The following SPATA6 variants were observed in gnomAD, a reference collection of about 807,000 sequenced individuals.
SPATA6 encodes spermatogenesis-associated protein 6.
SPATA6 carries 56 observed loss-of-function variants against 65.3 expected under a neutral mutation model. That is an observed-to-expected ratio of 0.86 (90% CI 0.69 to 1.07). The LOEUF (loss-of-function observed/expected upper bound fraction) is 1.07, where lower values mean the gene tolerates loss of function less well. Among genes scored for constraint, SPATA6 ranks in the 50% least tolerant of loss-of-function variants. SPATA6 has a pLI of 0.00. For synonymous variants in SPATA6, 199 were observed against 213.2 expected, an observed-to-expected ratio of 0.93 and a Z score of 0.58; for missense variants, 590 against 594.8, an observed-to-expected ratio of 0.99 and a Z score of 0.08.
At chr1:48,436,194 T>C (rs1654925530) in intron 3 of SPATA6, 11 of 1,612,284 alleles carry the variant, frequency 6.8e-6, no homozygotes, top group Non-Finnish European at 9.3e-6. Context: ...CTGTCCATCT[T>C]GCATGGCATA....
At chr1:48,409,458 G>A (rs1344864090) in intron 5 of SPATA6, among the ~76,000 whole-genome samples, 2 of 152,234 alleles carry the variant, frequency 1.3e-5, no homozygotes, top group Non-Finnish European at 2.9e-5. Flanking sequence ...CAAGCTGTCA[G>A]TAGATCTACC....
At chr1:48,367,626 T>C (rs1435901333) in intron 9 of SPATA6, among the ~76,000 whole-genome samples, 1 of 152,090 alleles carries the variant, frequency 6.6e-6, no homozygotes, top group East Asian at 1.9e-4. Flanking sequence ...AACCCCTGCC[T>C]TTTTTTGTTT....
chr1:48,358,079 C>T (rs1242932754), intron 10 of SPATA6, among the ~76,000 whole-genome samples: 7 of 151,994 alleles, frequency 4.6e-5, no homozygotes, highest in African/African-American at 1.7e-4. Flanking sequence ...TAAATGCCAC[C>T]GCTATCTACT....
the SPATA6 span, among the ~76,000 whole-genome samples, chr1:48,270,643 A>G: frequency 6.6e-6 from 1 of 152,068 alleles, no homozygotes; most frequent in African/African-American, 2.4e-5. Flanking sequence ...ATTACCGAGT[A>G]CAGATGGCAG....
Position 48,411,571 on chromosome 1 carries a change from T to G in SPATA6, c.298A>C (p.Thr100Pro). 1 of 1,601,752 alleles carries G rather than the reference T, an allele frequency of 6.2e-7. No individual in the cohort carries two copies. The highest frequency in any genetic ancestry group is 8.5e-7 in the Non-Finnish European group (1 of 1,174,546). The stretch of plus-strand genomic sequence containing the variant: ...AAATCTCGTGTATTTTCGTCATACG[T>G]AGACAGTGTTTCACCCACTACAAGA... Reference protein sequence around the residue: ...LVPPVGETLSTYDENTRDFMF... With the variant: ...LVPPVGETLSPYDENTRDFMF... Residue 100 changes from threonine to proline, a missense_variant, in exon 5 of 13, where the codon ACG becomes CCG. Coordinates refer to ENST00000371847, the MANE Select transcript of SPATA6 (RefSeq NM_019073.4).
chr1:48,395,303 C>G lies in SPATA6; in HGVS notation c.832G>C (p.Asp278His). The G allele has an allele frequency of 1.3e-6, 2 of 1,570,118 alleles. No individual in the cohort carries two copies. Among genetic ancestry groups the G allele is most frequent in the Non-Finnish European group, 1.7e-6 (2 of 1,155,616 alleles). ...CTTGACCATCCATCTCTTTCACAGTCTCTTCCAGAAGATCCCAATAAAGTA... is the reference window on the plus strand; with the variant it reads ...CTTGACCATCCATCTCTTTCACAGTGTCTTCCAGAAGATCCCAATAAAGTA... ...ADTLLGSSGR[D>H]CERDGWSRVH... Residue 278 changes from aspartate to histidine, a missense_variant, in exon 8 of 13, where the codon GAC becomes CAC. Transcript: ENST00000371847.
At chr1:48,362,161 G>A (rs1295250010) in intron 9 of SPATA6, among the ~76,000 whole-genome samples, 4 of 152,130 alleles carry the variant, frequency 2.6e-5, no homozygotes, top group Non-Finnish European at 5.9e-5. Context: ...GGCTGAGGCA[G>A]GAGGAACACT....
chr1:48,373,399 G>A (rs1318487268), intron 9 of SPATA6, among the ~76,000 whole-genome samples: 1 of 152,144 alleles, frequency 6.6e-6, no homozygotes, highest in Non-Finnish European at 1.5e-5. Context: ...ACCTCAGTCT[G>A]GATTTTATTG....
chr1:48,374,218 T>A (rs984289331), intron 9 of SPATA6, among the ~76,000 whole-genome samples: 26 of 151,956 alleles, frequency 1.7e-4, no homozygotes, highest in African/African-American at 6.0e-4. Context: ...AGTTTACCTC[T>A]ATAAAAAAAT....
At chr1:48,471,740 A>C (rs971886924) in intron 1 of SPATA6, among the ~76,000 whole-genome samples, 5 of 152,194 alleles carry the variant, frequency 3.3e-5, no homozygotes, top group African/African-American at 1.2e-4. Flanking sequence ...GTCGGGTTGA[A>C]GCCAGCATAG....
intron 9 of SPATA6, among the ~76,000 whole-genome samples, chr1:48,380,782 T>A (rs1419307528): frequency 6.6e-6 from 1 of 151,992 alleles, no homozygotes; most frequent in Non-Finnish European, 1.5e-5. Flanking sequence ...AAATTTTAAA[T>A]GTTAGGATGA....
rs1553138658 is a variant in SPATA6 at position 48,297,125 on chromosome 1, G to GGTGTGCGTGTGT, written c.*1587_*1588insACACACGCACAC. ...TAATCCTACATATGACTCTCTAAGAGGTGTGTGTGTGTGTGTGTGTGTGTG... is the reference window on the plus strand; with the variant it reads ...TAATCCTACATATGACTCTCTAAGAGGTGTGCGTGTGTGTGTGTGTGTGTGTGTGTGTGTGTG... On this transcript the variant is annotated 3_prime_UTR_variant, in exon 13 of 13. Transcript: ENST00000371847. 1 of 144,582 alleles carries GGTGTGCGTGTGT rather than the reference G, an allele frequency of 6.9e-6. No homozygotes were observed. Among genetic ancestry groups the GGTGTGCGTGTGT allele is most frequent in the South Asian group, 2.2e-4 (1 of 4,454 alleles). The allele number at this position is 144,582 out of a possible 1,614,324, so 9.0% of individuals were successfully genotyped here. A position where few individuals can be genotyped will look rare whatever the true frequency, so the allele number is the denominator to read the frequency against.
chr1:48,346,804 G>A (rs567307115), intron 11 of SPATA6, among the ~76,000 whole-genome samples: 3 of 151,980 alleles, frequency 2.0e-5, no homozygotes, highest in African/African-American at 7.2e-5. Context: ...ACACTGCTCA[G>A]AGAAATAGGA....
intron 3 of SPATA6, among the ~76,000 whole-genome samples, chr1:48,435,158 A>G (rs953516349): frequency 3.9e-5 from 6 of 152,194 alleles, no homozygotes; most frequent in African/African-American, 1.4e-4. Flanking sequence ...TACATCACCA[A>G]TAATAATAAA....
chr1:48,467,454 C>G (rs1657897103), intron 1 of SPATA6, among the ~76,000 whole-genome samples: 1 of 152,052 alleles, frequency 6.6e-6, no homozygotes, highest in Non-Finnish European at 1.5e-5. Flanking sequence ...ATGAACTATT[C>G]TGTAACCGAG....
At chr1:48,451,624 A>G in intron 2 of SPATA6, 24 bp from the exon 3 acceptor site, 3 of 1,601,376 alleles carry the variant, frequency 1.9e-6, no homozygotes, top group Non-Finnish European at 2.6e-6. Context: ...ATACAGGGAG[A>G]GGCAGGAAGG....
chr1:48,311,112 T>C (rs896536037), intron 11 of SPATA6, among the ~76,000 whole-genome samples: 1 of 151,942 alleles, frequency 6.6e-6, no homozygotes, highest in African/African-American at 2.4e-5. Flanking sequence ...AACACCTACA[T>C]GAAAAAAGAA....
intron 10 of SPATA6, among the ~76,000 whole-genome samples, chr1:48,358,871 T>G (rs1376324836): frequency 6.6e-6 from 1 of 152,166 alleles, no homozygotes; most frequent in South Asian, 2.1e-4. Context: ...CAAACCTGTA[T>G]GTTTAAAATA....
the SPATA6 span, among the ~76,000 whole-genome samples, chr1:48,289,799 G>GA: frequency 6.6e-6 from 1 of 152,076 alleles, no homozygotes; most frequent in South Asian, 2.1e-4. Context: ...GAAGTTCAGA[G>GA]AAAAAAGAGT....
Sources: allele counts gnomAD v4.1 joint callset (sites outside exome capture counted in the v4.1 genomes callset), GRCh38; gene constraint gnomAD v4.1.1; transcripts MANE v1.5; gene names NCBI Gene and HGNC (gene_info 2026-07-23, HGNC 2026-07-21).